SLC39A9: variants seen among roughly 807,000 people sequenced by gnomAD.
SLC39A9 encodes zinc transporter ZIP9.
Under a neutral mutation model 28.4 loss-of-function variants are expected in SLC39A9, and 14 were observed. The observed-to-expected ratio is 0.49, with a 90% confidence interval of 0.33 to 0.77. The LOEUF (loss-of-function observed/expected upper bound fraction) is 0.77, where lower values mean the gene tolerates loss of function less well. SLC39A9 is among the 30% of genes least tolerant of loss of function. The pLI is 0.02. For missense variants in SLC39A9, 283 were observed against 381.1 expected, an observed-to-expected ratio of 0.74 and a Z score of 2.14; for synonymous variants, 119 against 149.6, an observed-to-expected ratio of 0.80 and a Z score of 1.49.
At position 69,418,903 on chromosome 14, in the gene SLC39A9, T is replaced by A. The variant is rs189594779; in HGVS notation, c.97-5191T>A. ...ATCTATTTGATTCATCTCTCTTCTTTATTAGTCTTGCTAGCGGTCTATCAA... is the reference window on the plus strand; with the variant it reads ...ATCTATTTGATTCATCTCTCTTCTTAATTAGTCTTGCTAGCGGTCTATCAA... On this transcript the variant is annotated intron_variant, in intron 1 of 6. Coordinates refer to ENST00000336643, the MANE Select transcript of SLC39A9 (RefSeq NM_018375.5). 2.9e-3 allele frequency among the ~76,000 whole-genome samples: 447 copies of A among 152,322 alleles called. 3 individuals carry two copies. Among genetic ancestry groups the A allele is most frequent in the African/African-American group, 0.01 (435 of 41,572 alleles).
chr14:69,461,867 A>T lies in SLC39A9; in HGVS notation c.*3274A>T. On this transcript the variant is annotated 3_prime_UTR_variant, in exon 7 of 7. Transcript: ENST00000336643. The stretch of plus-strand genomic sequence containing the variant: ...GAGACTGAGAATCATGACCAGATTC[A>T]TCCAGAACTGCTGCAGTGTTAAGTG... 3 of 872,774 alleles carry T rather than the reference A, an allele frequency of 3.4e-6. No homozygotes were observed. The highest frequency in any genetic ancestry group is 5.1e-6 in the Non-Finnish European group (3 of 585,852). 54.1% of individuals were successfully genotyped at this position (872,774 alleles called of 1,614,324 possible). A position where few individuals can be genotyped will look rare whatever the true frequency, so the allele number is the denominator to read the frequency against.
At chr14:69,414,334 T>C (rs569716021) in intron 1 of SLC39A9, among the ~76,000 whole-genome samples, 71 of 152,358 alleles carry the variant, frequency 4.7e-4, no homozygotes, top group Admixed American at 2.0e-3. Context: ...GGTAGAGTAT[T>C]ATGAAGCACT....
intron 1 of SLC39A9, among the ~76,000 whole-genome samples, chr14:69,400,532 G>C (rs1882575500): frequency 6.6e-6 from 1 of 152,192 alleles, no homozygotes; most frequent in Non-Finnish European, 1.5e-5. Flanking sequence ...GTTTGTCCTA[G>C]AGTTCAGCAG....
intron 2 of SLC39A9, among the ~76,000 whole-genome samples, chr14:69,433,807 G>T (rs750563445): frequency 1.3e-5 from 2 of 151,520 alleles, no homozygotes; most frequent in Non-Finnish European, 2.9e-5. Context: ...TTTCTTTGAG[G>T]CAGGGTCTCA....
chr14:69,428,191 C>T (rs569141639), intron 2 of SLC39A9, among the ~76,000 whole-genome samples: 17 of 151,694 alleles, frequency 1.1e-4, no homozygotes, highest in East Asian at 9.7e-4. Flanking sequence ...GTAGGAGAAT[C>T]GCTTGAACCT....
intron 1 of SLC39A9, among the ~76,000 whole-genome samples, chr14:69,409,795 G>A (rs1883166540): frequency 6.6e-6 from 1 of 151,976 alleles, no homozygotes; most frequent in South Asian, 2.1e-4. Context: ...ATTTTTTTCA[G>A]GGATAGAATG....
intron 2 of SLC39A9, among the ~76,000 whole-genome samples, chr14:69,440,874 A>G (rs1164539896): frequency 6.6e-6 from 1 of 152,110 alleles, no homozygotes; most frequent in Non-Finnish European, 1.5e-5. Context: ...GGGATTCACC[A>G]TGTTGGCCTT....
In SLC39A9 at chr14:69,458,533, G is replaced by A. The variant is rs1885974461; in HGVS notation, c.864G>A (p.Val288=). 1 of 1,614,080 alleles carries A rather than the reference G, an allele frequency of 6.2e-7. No individual in the cohort carries two copies. The highest frequency in any genetic ancestry group is 1.1e-5 in the South Asian group (1 of 91,088). Residue 288 remains valine (V), a synonymous_variant, in exon 7 of 7, where the codon GTG becomes GTA. Coordinates refer to ENST00000336643, the MANE Select transcript of SLC39A9 (RefSeq NM_018375.5). ...GGAGAGGCCTCAGCCGCCTGGAAGT[G>A]GCAGCCCTGGTTCTGGGTTGCCTCA... The part of the protein sequence containing the change: ...TGGRGLSRLE[V]AALVLGCLIP...
intron 2 of SLC39A9, among the ~76,000 whole-genome samples, chr14:69,435,839 A>G (rs1884717924): frequency 6.6e-6 from 1 of 151,552 alleles, no homozygotes; most frequent in Admixed American, 6.6e-5. Flanking sequence ...CGCCTGGCTT[A>G]TTTTTGCATT....
chr14:69,423,945 C>A, intron 1 of SLC39A9, 149 bp from the exon 2 acceptor site: 1 of 546,602 alleles, frequency 1.8e-6, no homozygotes, highest in Admixed American at 3.2e-5. Context: ...TGGCATTACT[C>A]ATGCAATTGA....
intron 1 of SLC39A9, among the ~76,000 whole-genome samples, chr14:69,405,405 C>G (rs575248109): frequency 6.6e-6 from 1 of 152,162 alleles, no homozygotes; most frequent in African/African-American, 2.4e-5. Context: ...TTGCTCTTAC[C>G]CTCTTATGGT....
intron 2 of SLC39A9, among the ~76,000 whole-genome samples, chr14:69,439,390 A>G (rs913510957): frequency 1.3e-5 from 2 of 152,200 alleles, no homozygotes; most frequent in South Asian, 2.1e-4. Context: ...TTGGGCATAA[A>G]TTTAACCAAG....
intron 1 of SLC39A9, among the ~76,000 whole-genome samples, chr14:69,416,307 T>G (rs760813312): frequency 7.2e-5 from 11 of 152,228 alleles, no homozygotes; most frequent in Non-Finnish European, 1.6e-4. Context: ...GAACTCATCC[T>G]TTTTCATGGC....
At chr14:69,401,990 G>A (rs1383494905) in intron 1 of SLC39A9, among the ~76,000 whole-genome samples, 1 of 152,012 alleles carries the variant, frequency 6.6e-6, no homozygotes, top group Non-Finnish European at 1.5e-5. Context: ...CATTCACGGG[G>A]GACTGGAAAG....
chr14:69,423,176 AT>A (rs1266004799), intron 1 of SLC39A9, among the ~76,000 whole-genome samples: 1 of 152,194 alleles, frequency 6.6e-6, no homozygotes, highest in African/African-American at 2.4e-5. Context: ...ACTTATAAAT[AT>A]TTTTTATAAA....
At position 69,460,260 on chromosome 14, in the gene SLC39A9, A is replaced by G; in HGVS notation, c.*1667A>G. On this transcript the variant is annotated 3_prime_UTR_variant, in exon 7 of 7. Coordinates refer to ENST00000336643, the MANE Select transcript of SLC39A9 (RefSeq NM_018375.5). ...TGCCTATGATTTATTTCCTTCATGA[A>G]TTTGTCACTGGATCAGCAGCTGTGG... 1 of 985,830 alleles carries G rather than the reference A, an allele frequency of 1.0e-6. No homozygotes were observed. Among genetic ancestry groups the G allele is most frequent in the Non-Finnish European group, 1.2e-6 (1 of 829,942 alleles). The allele number at this position is 985,830 out of a possible 1,614,324, so 61.1% of individuals were successfully genotyped here.
chr14:69,433,158 G>A (rs1424859732), intron 2 of SLC39A9, among the ~76,000 whole-genome samples: 2 of 152,102 alleles, frequency 1.3e-5, no homozygotes, highest in African/African-American at 4.8e-5. Flanking sequence ...GTTCCATTCT[G>A]TTCCTAGTGT....
At chr14:69,436,634 C>T (rs1884774122) in intron 2 of SLC39A9, among the ~76,000 whole-genome samples, 1 of 152,088 alleles carries the variant, frequency 6.6e-6, no homozygotes, top group Non-Finnish European at 1.5e-5. Flanking sequence ...TTGGCTATGT[C>T]CTGTGTATAC....
chr14:69,428,577 T>C (rs1412280571), intron 2 of SLC39A9: 1 of 152,642 alleles, frequency 6.6e-6, no homozygotes, highest in Non-Finnish European at 1.5e-5. Flanking sequence ...AAAACAGTTG[T>C]GCCCAGATCA....
Sources: allele counts gnomAD v4.1 joint callset (sites outside exome capture counted in the v4.1 genomes callset), GRCh38; gene constraint gnomAD v4.1.1; transcripts MANE v1.5; gene names NCBI Gene and HGNC (gene_info 2026-07-23, HGNC 2026-07-21).